Variants in ARID4A observed in about 807,000 individuals in gnomAD.
The protein encoded by ARID4A is AT-rich interaction domain 4A.
ARID4A carries 39 observed loss-of-function variants against 148.6 expected under a neutral mutation model. The ratio of observed to expected loss-of-function variants is 0.26; its 90% confidence interval spans 0.20 to 0.34. The LOEUF is 0.34. Among genes scored for constraint, ARID4A ranks in the 10% least tolerant of loss-of-function variants. The pLI is 1.00. For missense variants in ARID4A, 1,265 were observed against 1,449.1 expected, an observed-to-expected ratio of 0.87 and a Z score of 2.06; for synonymous variants, 475 against 481.2, an observed-to-expected ratio of 0.99 and a Z score of 0.17.
intron 7 of ARID4A, 113 bp downstream of exon 7, chr14:58,318,918 T>TC: frequency 1.3e-6 from 1 of 796,440 alleles, no homozygotes; most frequent in Non-Finnish European, 2.0e-6. Flanking sequence ...GCATATTGTA[T>TC]CCTTATGTTA....
At chr14:58,331,751 T>A (rs996969692) in intron 11 of ARID4A, among the ~76,000 whole-genome samples, 1 of 152,156 alleles carries the variant, frequency 6.6e-6, no homozygotes, top group Non-Finnish European at 1.5e-5. Flanking sequence ...TTGGCAAAAT[T>A]CAGGATTTAA....
intron 10 of ARID4A, 70 bp downstream of exon 10, chr14:58,329,674 G>A (rs1041957219): frequency 1.6e-6 from 2 of 1,283,732 alleles, no homozygotes; most frequent in African/African-American, 2.9e-5. Context: ...AATAAAGCAA[G>A]ACTGATACTC....
intron 23 of ARID4A, among the ~76,000 whole-genome samples, chr14:58,368,337 C>G (rs1034966806): frequency 2.0e-5 from 3 of 152,074 alleles, no homozygotes; most frequent in African/African-American, 7.2e-5. Flanking sequence ...ATGACCAGCC[C>G]AAGAAAAATT....
In ARID4A at chr14:58,305,024, C is replaced by T. The variant is rs372930125; in HGVS notation, c.183+15C>T. Reference sequence around the variant, plus strand: ...GTCCTTTAAGAGTATGTATGTTGTACGGTTTAAAATCTGAAATAATCATAG... The same window carrying T: ...GTCCTTTAAGAGTATGTATGTTGTATGGTTTAAAATCTGAAATAATCATAG... On this transcript the variant is annotated intron_variant, in intron 4 of 23. Transcript: ENST00000355431. 27 of 1,570,386 alleles carry T rather than the reference C, an allele frequency of 1.7e-5. No homozygotes were observed. The African/African-American group carries it at 2.1e-4, about 12-fold the overall frequency.
In ARID4A at chr14:58,366,954, T is replaced by C. The variant is rs943725215; in HGVS notation, c.3595T>C (p.Tyr1199His). Residue 1199 changes from tyrosine to histidine, a missense_variant, in exon 23 of 24, where the codon TAT becomes CAT. By Grantham distance (83) the Tyr-to-His change is moderately conservative (BLOSUM62 2). Around this residue, in one of 9 missense-constraint regions of ARID4A, gnomAD observed 666 missense variants for 730.9 expected, o/e 0.91. Transcript: ENST00000355431. ...AGAAAAACTACAGGAAATCAGAAAA[T>C]ATTATATGTCTTTGAAGTCTGAAGT... ...LQEKLQEIRKYYMSLKSEVAT... is the reference protein window; with the variant it reads ...LQEKLQEIRKHYMSLKSEVAT... 6.6e-7 allele frequency: 1 copy of C among 1,517,678 alleles called. No homozygotes were observed. The highest frequency in any genetic ancestry group is 8.8e-7 in the Non-Finnish European group (1 of 1,142,622). 94.0% of individuals were successfully genotyped at this position (1,517,678 alleles called of 1,614,324 possible). A position where few individuals can be genotyped will look rare whatever the true frequency, so the allele number is the denominator to read the frequency against.
At chr14:58,333,645 C>A (rs1050532988) in intron 11 of ARID4A, among the ~76,000 whole-genome samples, 2 of 151,858 alleles carry the variant, frequency 1.3e-5, no homozygotes, top group African/African-American at 4.8e-5. Context: ...GATTATATTC[C>A]AGTATTGTAA....
chr14:58,365,467 CTTTTTTTT>C (rs71107938), intron 20 of ARID4A, 43 bp from the exon 21 acceptor site: 21 of 351,526 alleles, frequency 6.0e-5, no homozygotes, highest in East Asian at 1.7e-4. Flanking sequence ...TATACTTGCT[CTTTTTTTT>C]TTTTTTTTTT....
At position 58,364,633 on chromosome 14, in the gene ARID4A, A is replaced by G; in HGVS notation, c.2544A>G (p.Gln848=). Residue 848 remains glutamine (Q), a synonymous_variant, in exon 20 of 24, where the codon CAA becomes CAG. Coordinates refer to ENST00000355431, the MANE Select transcript of ARID4A (RefSeq NM_002892.4). The part of the protein sequence containing the change: ...FSSATEDEID[Q]CVKEKKLKRK... Reference sequence around the variant, plus strand: ...CTGCTACAGAAGATGAAATTGACCAATGTGTGAAAGAAAAGAAGTTGAAAC... The same window carrying G: ...CTGCTACAGAAGATGAAATTGACCAGTGTGTGAAAGAAAAGAAGTTGAAAC... 1.2e-6 allele frequency: 2 copies of G among 1,613,920 alleles called. No homozygotes were observed. Among genetic ancestry groups the G allele is most frequent in the Non-Finnish European group, 1.7e-6 (2 of 1,179,954 alleles).
chr14:58,343,003 T>C (rs1055426455), intron 11 of ARID4A, among the ~76,000 whole-genome samples: 1 of 152,224 alleles, frequency 6.6e-6, no homozygotes, highest in Admixed American at 6.5e-5. Context: ...CAGTCTGGCA[T>C]AAGTGGTTTT....
intron 23 of ARID4A, among the ~76,000 whole-genome samples, chr14:58,371,679 T>G (rs2035621167): frequency 6.6e-6 from 1 of 152,196 alleles, no homozygotes; most frequent in Non-Finnish European, 1.5e-5. Context: ...TTTTTAAGTG[T>G]TGAGTAGTGC....
At chr14:58,345,627 A>T (rs1876054073) in intron 12 of ARID4A, among the ~76,000 whole-genome samples, 1 of 151,796 alleles carries the variant, frequency 6.6e-6, no homozygotes, top group African/African-American at 2.4e-5. Flanking sequence ...CCTTCAGATT[A>T]CTGCTAACAG....
chr14:58,365,358 G>C, intron 20 of ARID4A, 58 bp downstream of exon 20: 1 of 1,522,904 alleles, frequency 6.6e-7, no homozygotes, highest in South Asian at 1.3e-5. Flanking sequence ...CAAAACTGTT[G>C]AGTTTCAGGT....
intron 20 of ARID4A, 72 bp downstream of exon 20, chr14:58,365,372 G>A (rs2035311742): frequency 1.3e-6 from 2 of 1,487,630 alleles, no homozygotes; most frequent in South Asian, 2.7e-5. Context: ...TTCAGGTACT[G>A]TTGATCTGTA....
chr14:58,365,467 C>CTTTTTTTTTTTTTTTTTT lies in ARID4A; in HGVS notation c.3212-46_3212-29dup, dbSNP rs71107938. 2.6e-4 allele frequency: 91 copies of CTTTTTTTTTTTTTTTTTT among 351,554 alleles called. 1 individual carries two copies. Among genetic ancestry groups the CTTTTTTTTTTTTTTTTTT allele is most frequent in the Middle Eastern group, 7.5e-4 (1 of 1,336 alleles). 21.8% of individuals were successfully genotyped at this position (351,554 alleles called of 1,614,324 possible). A position where few individuals can be genotyped will look rare whatever the true frequency, so the allele number is the denominator to read the frequency against. On this transcript the variant is annotated intron_variant, in intron 20 of 23. Coordinates refer to ENST00000355431, the MANE Select transcript of ARID4A (RefSeq NM_002892.4). ...TAGTCTGTTGAATAATATACTTGCT[C>CTTTTTTTTTTTTTTTTTT]TTTTTTTTTTTTTTTTTTTTTTCAA...
rs573568733 is a variant in ARID4A at position 58,366,386 on chromosome 14, A to G, written c.3523+156A>G. 9.8e-5 allele frequency among the ~76,000 whole-genome samples: 15 copies of G among 152,352 alleles called. 1 individual carries two copies. The South Asian group carries it at 2.9e-3, about 29-fold the overall frequency. On this transcript the variant is annotated intron_variant, in intron 22 of 23. Coordinates refer to ENST00000355431, the MANE Select transcript of ARID4A (RefSeq NM_002892.4). The stretch of plus-strand genomic sequence containing the variant: ...AGCAAGAATCACCACATGTTGTCTT[A>G]AGTATAAATCTGTGTCTTTTCATAA...
At chr14:58,309,346 G>A (rs116956680) in intron 5 of ARID4A, among the ~76,000 whole-genome samples, 1 of 152,052 alleles carries the variant, frequency 6.6e-6, no homozygotes, top group Admixed American at 6.6e-5. Flanking sequence ...TGTTTTTTGA[G>A]CAATAGAAAT....
chr14:58,299,799 T>A lies in ARID4A; in HGVS notation c.-56T>A. On this transcript the variant is annotated splice_region_variant and 5_prime_UTR_variant, in exon 2 of 24. Transcript: ENST00000355431. The stretch of plus-strand genomic sequence containing the variant: ...GCCTGTCTTTCCCCCTCCCCATAGT[T>A]CTAGCGACTGCGAAGATAGCTCGCT... The A allele has an allele frequency of 3.7e-6, 6 of 1,613,930 alleles. No homozygotes were observed. The South Asian group carries it at 6.6e-5, about 18-fold the overall frequency.
intron 7 of ARID4A, among the ~76,000 whole-genome samples, chr14:58,319,625 A>G (rs2140166211): frequency 8.0e-6 from 1 of 125,586 alleles, no homozygotes; most frequent in Non-Finnish European, 1.6e-5. Context: ...GGCTCACTGC[A>G]ACTTTTGCCT....
At chr14:58,358,342 C>T (rs1481930691) in intron 17 of ARID4A, among the ~76,000 whole-genome samples, 1 of 152,064 alleles carries the variant, frequency 6.6e-6, no homozygotes, top group Non-Finnish European at 1.5e-5. Context: ...GTGGCAGGCA[C>T]CTGTAATCCC....
Sources: gnomAD v4.1 joint callset for allele counts (sites outside exome capture counted in the v4.1 genomes callset) on GRCh38, gnomAD v4.1.1 for gene constraint, gnomAD v4.1.1 regional missense constraint, MANE v1.5 for transcripts, NCBI Gene and HGNC (gene_info 2026-07-23, HGNC 2026-07-21) for gene names.